SEC31A: variants seen among roughly 807,000 people sequenced by gnomAD.
SEC31A encodes protein transport protein Sec31A.
In SEC31A, 70 loss-of-function variants were observed where a neutral mutation model predicts 151.0. The observed-to-expected ratio is 0.46, with a 90% CI of 0.38 to 0.57. SEC31A has a LOEUF of 0.57. Among genes scored for constraint, SEC31A ranks in the 20% least tolerant of loss-of-function variants. SEC31A has a pLI of 0.00. For missense variants in SEC31A, 1,330 were observed against 1,471.2 expected, an observed-to-expected ratio of 0.90 and a Z score of 1.57; for synonymous variants, 475 against 505.9, an observed-to-expected ratio of 0.94 and a Z score of 0.82.
At chr4:82,821,888 T>G (rs1180588056) in intron 25 of SEC31A, among the ~76,000 whole-genome samples, 1 of 152,206 alleles carries the variant, frequency 6.6e-6, no homozygotes, top group Non-Finnish European at 1.5e-5. Flanking sequence ...AAAATACTAC[T>G]TAAACACTTA....
At chr4:82,900,158 C>T (rs1181431108) in exon 2 of SEC31A, 1 of 152,398 alleles carries the variant, frequency 6.6e-6, no homozygotes, top group Admixed American at 6.5e-5. Flanking sequence ...GACTCCTGCT[C>T]CTCCGGTATC....
intron 10 of SEC31A, 65 bp downstream of exon 10, chr4:82,866,743 T>C (rs1179449944): frequency 9.9e-6 from 14 of 1,417,264 alleles, no homozygotes; most frequent in Non-Finnish European, 1.3e-5. Context: ...AGAGTGACTC[T>C]ATAATAACAC....
rs770594761 is a variant in SEC31A, at chr4:82,819,024, CAT to C, written c.*48_*49del. On this transcript the variant is annotated 3_prime_UTR_variant, in exon 27 of 27. Transcript: ENST00000395310. Reference sequence around the variant, plus strand: ...CATGTCTTATAATTTTTTTTTTTAACATGTTTCTTTGGAAAAATGGCAATATT... The same window carrying C: ...CATGTCTTATAATTTTTTTTTTTAACGTTTCTTTGGAAAAATGGCAATATT... The C allele has an allele frequency of 1.3e-6, 2 of 1,482,504 alleles. No individual in the cohort carries two copies. The highest frequency in any genetic ancestry group is 1.4e-5 in the African/African-American group (1 of 70,616). 91.8% of individuals were successfully genotyped at this position (1,482,504 alleles called of 1,614,324 possible).
upstream of SEC31A, among the ~76,000 whole-genome samples, chr4:82,892,610 A>G (rs1719868024): frequency 6.6e-6 from 1 of 152,260 alleles, no homozygotes. Flanking sequence ...TCAAGGAGGC[A>G]ACAGTACTAT....
intron 19 of SEC31A, 32 bp from the exon 20 acceptor site, chr4:82,849,009 G>T: frequency 6.3e-7 from 1 of 1,592,102 alleles, no homozygotes; most frequent in Non-Finnish European, 8.6e-7. Context: ...GCAGACTGTT[G>T]AGAGTTCACC....
chr4:82,887,280 AAAAG>A (rs1419824711), intron 1 of SEC31A, among the ~76,000 whole-genome samples: 2 of 152,244 alleles, frequency 1.3e-5, no homozygotes, highest in Non-Finnish European at 2.9e-5. Flanking sequence ...CATTGACTGA[AAAAG>A]AAAGAGACAC....
chr4:82,827,669 G>A, intron 23 of SEC31A, 37 bp from the exon 24 acceptor site: 1 of 1,592,472 alleles, frequency 6.3e-7, no homozygotes, highest in South Asian at 1.1e-5. Flanking sequence ...CCAGGAGTAA[G>A]AATAAAAACG....
intron 19 of SEC31A, among the ~76,000 whole-genome samples, chr4:82,851,129 T>G (rs73829992): frequency 6.6e-6 from 1 of 152,248 alleles, no homozygotes; most frequent in Non-Finnish European, 1.5e-5. Flanking sequence ...GAACTTTGTA[T>G]GAAGAATCAG....
chr4:82,873,675 T>TA (rs1213853343), intron 6 of SEC31A, among the ~76,000 whole-genome samples: 1 of 152,170 alleles, frequency 6.6e-6, no homozygotes, highest in African/African-American at 2.4e-5. Context: ...TTGTTGTTTT[T>TA]AAACTACATA....
chr4:82,833,391 A>G (rs1726445787), intron 22 of SEC31A, among the ~76,000 whole-genome samples: 1 of 152,110 alleles, frequency 6.6e-6, no homozygotes, highest in Non-Finnish European at 1.5e-5. Flanking sequence ...AACATCACAC[A>G]CTGGGGCCTG....
At chr4:82,820,968 A>G in intron 26 of SEC31A, 69 bp downstream of exon 26, 1 of 1,339,116 alleles carries the variant, frequency 7.5e-7, no homozygotes, top group South Asian at 1.2e-5. Flanking sequence ...GGGAGTGCTG[A>G]TAAGACAACT....
At chr4:82,888,404 A>G (rs1741437903) in intron 1 of SEC31A, among the ~76,000 whole-genome samples, 1 of 44,468 alleles carries the variant, frequency 2.2e-5, no homozygotes, top group Admixed American at 4.2e-4. Context: ...ATATACACAC[A>G]GACACGGCCA....
At position 82,872,113 on chromosome 4, in the gene SEC31A, A is replaced by G. The variant is rs768953603; in HGVS notation, c.640-27T>C. The G allele has an allele frequency of 2.5e-6, 4 of 1,568,712 alleles. No homozygotes were observed. In the East Asian group the frequency reaches 9.0e-5, roughly 35 times the overall value. ...TGAAGATAGTTAAGGTTCACATTTT[A>G]TGAATCAAATTACTTTATGAAAAGC... On this transcript the variant is annotated intron_variant, in intron 6 of 26. Transcript: ENST00000395310.
chr4:82,884,760 C>T (rs539700822), intron 1 of SEC31A, among the ~76,000 whole-genome samples: 1 of 152,216 alleles, frequency 6.6e-6, no homozygotes, highest in Admixed American at 6.5e-5. Context: ...GTGAATTGTT[C>T]TTGGGACCTA....
rs1395012642 is a variant in SEC31A at position 82,888,277 on chromosome 4, G to A, written c.-5+2811C>T. Reference sequence around the variant, plus strand: ...TGTAATCCCAGCTACTCAGGAGGCCGAGGCAGAAGAATCGCTTGAACCCGG... The same window carrying A: ...TGTAATCCCAGCTACTCAGGAGGCCAAGGCAGAAGAATCGCTTGAACCCGG... On this transcript the variant is annotated intron_variant, in intron 1 of 26. Coordinates refer to ENST00000395310, the MANE Select transcript of SEC31A (RefSeq NM_001077207.4). Among the ~76,000 whole-genome samples the A allele has an allele frequency of 5.5e-5, 8 of 144,890 alleles. No homozygotes were observed. In the East Asian group the frequency reaches 1.3e-3, roughly 23 times the overall value.
At position 82,867,186 on chromosome 4, in the gene SEC31A, G is replaced by A. The variant is rs1342959986; in HGVS notation, c.1013C>T (p.Thr338Ile). The A allele has an allele frequency of 6.2e-7, 1 of 1,613,738 alleles. No homozygotes were observed. Among genetic ancestry groups the A allele is most frequent in the Non-Finnish European group, 8.5e-7 (1 of 1,179,834 alleles). The change falls in exon 9 of 27, where the codon ACA (threonine) becomes ATA (isoleucine). Residue 338 changes from threonine to isoleucine, a missense_variant. Thr to Ile is a moderately conservative substitution (Grantham distance 89). Coordinates refer to ENST00000395310, the MANE Select transcript of SEC31A (RefSeq NM_001077207.4). The part of the protein sequence containing the change: ...ISVYSIMGGS[T>I]DGLRQKQVDK... ...AACTTGTTTCTGTCTTAAACCATCT[G>A]TGCTACCTCCCATGATAGAATAAAC...
chr4:82,873,514 T>A (rs1446465388), intron 6 of SEC31A, among the ~76,000 whole-genome samples: 1 of 152,332 alleles, frequency 6.6e-6, no homozygotes, highest in East Asian at 1.9e-4. Flanking sequence ...TTAGGAACTA[T>A]CTGCAAGTTC....
intron 3 of SEC31A, among the ~76,000 whole-genome samples, chr4:82,898,347 A>G (rs886843051): frequency 6.6e-6 from 1 of 152,262 alleles, no homozygotes; most frequent in African/African-American, 2.4e-5. Flanking sequence ...AGATACAAAA[A>G]TACAACTAAG....
chr4:82,855,382 G>C (rs1732406670), intron 16 of SEC31A, among the ~76,000 whole-genome samples: 1 of 152,150 alleles, frequency 6.6e-6, no homozygotes, highest in Non-Finnish European at 1.5e-5. Context: ...CATCAAGAAG[G>C]AAAAAGCCTT....
Sources: allele counts gnomAD v4.1 joint callset (sites outside exome capture counted in the v4.1 genomes callset), GRCh38; gene constraint gnomAD v4.1.1; transcripts MANE v1.5; gene names NCBI Gene and HGNC (gene_info 2026-07-23, HGNC 2026-07-21).